Variants in MAN1A2 observed in about 807,000 individuals in gnomAD.
The protein encoded by MAN1A2 is mannosidase alpha class 1A member 2.
Under a neutral mutation model 75.7 loss-of-function variants are expected in MAN1A2, and 26 were observed. That is an observed-to-expected ratio of 0.34 (90% confidence interval 0.25 to 0.48). The LOEUF is 0.48. Ranked by LOEUF, MAN1A2 falls within the 20% of genes least tolerant of loss-of-function variation. The pLI, the probability that MAN1A2 is intolerant of heterozygous loss-of-function variation, is 0.99. For synonymous variants in MAN1A2, 247 were observed against 264.6 expected (o/e 0.93, Z 0.65); for missense variants, 562 against 775.5 (o/e 0.72, Z 3.27).
intron 4 of MAN1A2, among the ~76,000 whole-genome samples, chr1:117,415,187 T>C (rs568617109): frequency 8.5e-5 from 13 of 152,102 alleles, no homozygotes; most frequent in Non-Finnish European, 1.6e-4. Flanking sequence ...ATTCTTGGTG[T>C]GCGACTTGAG....
At chr1:117,412,204 T>A (rs889040668) in intron 3 of MAN1A2, among the ~76,000 whole-genome samples, 1 of 151,718 alleles carries the variant, frequency 6.6e-6, no homozygotes, top group Non-Finnish European at 1.5e-5. Flanking sequence ...TTTCCTGTGT[T>A]TTTCGGTCTG....
At chr1:117,410,623 G>GAA (rs544835333) in intron 3 of MAN1A2, among the ~76,000 whole-genome samples, 3 of 121,308 alleles carry the variant, frequency 2.5e-5, no homozygotes, top group Non-Finnish European at 5.4e-5. Flanking sequence ...AAAAGAAAAA[G>GAA]AAAAAAAAAA....
Position 117,526,572 on chromosome 1 carries a change from C to G in MAN1A2, c.*3615C>G, listed in dbSNP as rs1475064480. ...AAAACGTTCTTATTTTGCTATATCA[C>G]TTTAATTGCATAATTAAAAAGCAGT... On this transcript the variant is annotated 3_prime_UTR_variant, in exon 13 of 13. Coordinates refer to ENST00000356554, the MANE Select transcript of MAN1A2 (RefSeq NM_006699.5). 2.0e-5 allele frequency: 3 copies of G among 151,396 alleles called. No individual in the cohort carries two copies. The highest frequency in any genetic ancestry group is 7.3e-5 in the African/African-American group (3 of 41,316). 9.4% of individuals were successfully genotyped at this position (151,396 alleles called of 1,614,324 possible). A position where few individuals can be genotyped will look rare whatever the true frequency, so the allele number is the denominator to read the frequency against.
chr1:117,377,131 C>T (rs1193129329), intron 1 of MAN1A2, among the ~76,000 whole-genome samples: 1 of 152,146 alleles, frequency 6.6e-6, no homozygotes, highest in Non-Finnish European at 1.5e-5. Flanking sequence ...TAATGTTATA[C>T]ATGCATACAT....
chr1:117,378,389 C>T (rs1319776284), intron 1 of MAN1A2, among the ~76,000 whole-genome samples: 1 of 152,012 alleles, frequency 6.6e-6, no homozygotes, highest in Non-Finnish European at 1.5e-5. Flanking sequence ...AAGTTGTTTT[C>T]CCCTTCATGT....
chr1:117,456,822 A>T (rs1016059217), intron 6 of MAN1A2, among the ~76,000 whole-genome samples: 2 of 152,030 alleles, frequency 1.3e-5, no homozygotes, highest in Admixed American at 1.3e-4. Flanking sequence ...GATGATACAG[A>T]ATCATAGGGC....
chr1:117,401,647 A>G (rs1372592056), intron 1 of MAN1A2, among the ~76,000 whole-genome samples: 1 of 152,180 alleles, frequency 6.6e-6, no homozygotes, highest in Non-Finnish European at 1.5e-5. Context: ...CTAAATTGGA[A>G]TCTGTTTTTA....
At chr1:117,491,661 A>G (rs1236150302) in intron 8 of MAN1A2, among the ~76,000 whole-genome samples, 3 of 152,134 alleles carry the variant, frequency 2.0e-5, no homozygotes, top group African/African-American at 7.2e-5. Context: ...TATAGCTGCC[A>G]TATATAGTGA....
intron 5 of MAN1A2, among the ~76,000 whole-genome samples, chr1:117,432,184 C>T (rs1648693210): frequency 6.6e-6 from 1 of 152,130 alleles, no homozygotes; most frequent in Non-Finnish European, 1.5e-5. Flanking sequence ...TAACAGAAGA[C>T]AGATTACCAA....
intron 8 of MAN1A2, among the ~76,000 whole-genome samples, chr1:117,473,852 G>C (rs1248842099): frequency 6.6e-6 from 1 of 151,968 alleles, no homozygotes; most frequent in African/African-American, 2.4e-5. Context: ...TTTTCTCTGT[G>C]AATTAGAAGG....
chr1:117,433,850 C>A (rs1314678509), intron 5 of MAN1A2, among the ~76,000 whole-genome samples: 1 of 152,168 alleles, frequency 6.6e-6, no homozygotes, highest in African/African-American at 2.4e-5. Context: ...GATTCCCCAC[C>A]ATCTCCTGTC....
intron 9 of MAN1A2, among the ~76,000 whole-genome samples, chr1:117,495,213 CT>C (rs1340352663): frequency 6.6e-5 from 10 of 151,732 alleles, no homozygotes; most frequent in African/African-American, 2.4e-4. Context: ...TACTTGCTTT[CT>C]TTTCCCTGTT....
At chr1:117,500,988 A>AG (rs1245788500) in intron 11 of MAN1A2, among the ~76,000 whole-genome samples, 35 of 151,922 alleles carry the variant, frequency 2.3e-4, no homozygotes, top group African/African-American at 7.5e-4. Context: ...TACAGGAATG[A>AG]GGGGGATATG....
rs143456692 is a variant in MAN1A2, at chr1:117,483,912, A to G, written c.1169-9235A>G. ...TTATTATTTTGAGATGCGTTCCATC[A>G]ATACCTAGTTTATCACTGGTATGTG... On this transcript the variant is annotated intron_variant, in intron 8 of 12. Transcript: ENST00000356554. 1.2e-3 allele frequency among the ~76,000 whole-genome samples: 189 copies of G among 152,140 alleles called. 2 individuals carry two copies. The highest frequency in any genetic ancestry group is 2.1e-3 in the Non-Finnish European group (143 of 67,988).
intron 1 of MAN1A2, among the ~76,000 whole-genome samples, chr1:117,397,481 C>T (rs1339525298): frequency 6.6e-6 from 1 of 152,000 alleles, no homozygotes; most frequent in African/African-American, 2.4e-5. Context: ...CTGATGCTAA[C>T]ACGAAGTTAA....
chr1:117,379,766 CATA>C (rs988815810), intron 1 of MAN1A2, among the ~76,000 whole-genome samples: 7 of 151,960 alleles, frequency 4.6e-5, no homozygotes, highest in African/African-American at 1.7e-4. Context: ...TTTCACTTAG[CATA>C]ATGTTTTTGA....
Position 117,402,248 on chromosome 1 carries a change from C to T in MAN1A2, c.365C>T (p.Ala122Val). The T allele has an allele frequency of 6.2e-7, 1 of 1,613,198 alleles. No homozygotes were observed. Among genetic ancestry groups the T allele is most frequent in the Non-Finnish European group, 8.5e-7 (1 of 1,179,544 alleles). The stretch of plus-strand genomic sequence containing the variant: ...GATCATGAGAAGGCCTTGGAAGAAG[C>T]AAAAGAAAAATTAAGAAAGTCAAGA... ...RADHEKALEE[A>V]KEKLRKSREE... Residue 122 changes from alanine to valine, a missense_variant, in exon 2 of 13, where the codon GCA (alanine) becomes GTA (valine). Coordinates refer to ENST00000356554, the MANE Select transcript of MAN1A2 (RefSeq NM_006699.5).
chr1:117,473,689 T>G (rs1036603457), intron 8 of MAN1A2, among the ~76,000 whole-genome samples: 3 of 152,050 alleles, frequency 2.0e-5, no homozygotes, highest in Non-Finnish European at 4.4e-5. Context: ...TTTCGAGAGA[T>G]ATTCACATAG....
At chr1:117,471,091 G>A (rs980970078) in intron 8 of MAN1A2, among the ~76,000 whole-genome samples, 1 of 150,578 alleles carries the variant, frequency 6.6e-6, no homozygotes, top group African/African-American at 2.4e-5. Flanking sequence ...GTCATTTAAT[G>A]ATTAAAGTGA....
Sources: gnomAD v4.1 joint callset for allele counts (sites outside exome capture counted in the v4.1 genomes callset) on GRCh38, gnomAD v4.1.1 for gene constraint, MANE v1.5 for transcripts, NCBI Gene and HGNC (gene_info 2026-07-23, HGNC 2026-07-21) for gene names.